Variants in ACACB observed in about 807,000 individuals in gnomAD.
ACACB encodes acetyl-CoA carboxylase 2.
Under a neutral mutation model 278.8 loss-of-function variants are expected in ACACB, and 209 were observed. The ratio of observed to expected loss-of-function variants is 0.75; its 90% CI spans 0.67 to 0.84. The LOEUF (loss-of-function observed/expected upper bound fraction) is 0.84. Among genes scored for constraint, ACACB ranks in the 40% least tolerant of loss-of-function variants. ACACB has a pLI of 0.00. For synonymous variants in ACACB, 1,174 were observed against 1,285.6 expected (o/e 0.91, Z 1.86); for missense variants, 2,850 against 3,269.0 (o/e 0.87, Z 3.13).
intron 2 of ACACB, among the ~76,000 whole-genome samples, chr12:109,161,492 G>A (rs996966286): frequency 2.0e-4 from 31 of 152,110 alleles, no homozygotes; most frequent in African/African-American, 5.1e-4. Context: ...GCAGAGAGCC[G>A]AGATTATGCC....
intron 12 of ACACB, among the ~76,000 whole-genome samples, chr12:109,187,618 C>T (rs1292443976): frequency 6.6e-6 from 1 of 151,808 alleles, no homozygotes; most frequent in African/African-American, 2.4e-5. Context: ...TGCCACCACA[C>T]CTGGCTAATA....
At chr12:109,203,706 T>C (rs1459625494) in intron 19 of ACACB, among the ~76,000 whole-genome samples, 2 of 152,232 alleles carry the variant, frequency 1.3e-5, no homozygotes, top group Non-Finnish European at 2.9e-5. Context: ...AGAGTGTCTG[T>C]CATGTGACCC....
At chr12:109,266,193 A>C (rs1363124272) in intron 52 of ACACB, 43 bp from the exon 53 acceptor site, 12 of 1,591,688 alleles carry the variant, frequency 7.5e-6, no homozygotes, top group Non-Finnish European at 1.0e-5. Context: ...CCACTGAAAA[A>C]GTGGCTGGAG....
In ACACB at chr12:109,240,616, T is replaced by A. The variant is rs552880770; in HGVS notation, c.4819-462T>A. Among the ~76,000 whole-genome samples, 213 of 148,314 alleles carry A rather than the reference T, an allele frequency of 1.4e-3. 1 individual carries two copies. Among genetic ancestry groups the A allele is most frequent in the African/African-American group, 5.0e-3 (205 of 40,924 alleles). On this transcript the variant is annotated intron_variant, in intron 35 of 52. Coordinates refer to ENST00000338432, the MANE Select transcript of ACACB (RefSeq NM_001093.4). The stretch of plus-strand genomic sequence containing the variant: ...TTATTTTATTATTTAATAATATATA[T>A]TATTAAAAATAATTAATACAATAGT...
At chr12:109,215,476 A>T (rs973897927) in intron 22 of ACACB, among the ~76,000 whole-genome samples, 11 of 152,038 alleles carry the variant, frequency 7.2e-5, no homozygotes, top group Admixed American at 1.3e-4. Flanking sequence ...CTTTAAAAAA[A>T]TTTTTGGCTG....
chr12:109,255,534 C>G (rs1477759038), intron 44 of ACACB, among the ~76,000 whole-genome samples: 1 of 152,212 alleles, frequency 6.6e-6, no homozygotes, highest in East Asian at 1.9e-4. Context: ...TGTTGCATGC[C>G]TGGGTGCCGG....
At position 109,265,381 on chromosome 12, in the gene ACACB, C is replaced by G. The variant is rs925498602; in HGVS notation, c.7114-8C>G. The G allele has an allele frequency of 1.2e-6, 2 of 1,613,488 alleles. No homozygotes were observed. Among genetic ancestry groups the G allele is most frequent in the African/African-American group, 1.3e-5 (1 of 74,906 alleles). On this transcript the variant is annotated splice_region_variant and splice_polypyrimidine_tract_variant and intron_variant, in intron 51 of 52. Transcript: ENST00000338432. ...CCCTCTCTGAGGCATCCTCTGCCCC[C>G]TCCCCAGGCCTACTTGTGGGACAAC...
At chr12:109,240,617 T>G (rs1289993943) in intron 35 of ACACB, among the ~76,000 whole-genome samples, 2 of 148,394 alleles carry the variant, frequency 1.3e-5, no homozygotes, top group African/African-American at 2.4e-5. Flanking sequence ...TAATATATAT[T>G]ATTAAAAATA....
intron 2 of ACACB, among the ~76,000 whole-genome samples, chr12:109,161,690 GTA>G (rs201029917): frequency 3.3e-5 from 5 of 150,970 alleles, no homozygotes; most frequent in Admixed American, 6.6e-5. Flanking sequence ...AAAATTTGGT[GTA>G]TATATATATA....
chr12:109,163,010 G>T (rs560853567), intron 2 of ACACB, among the ~76,000 whole-genome samples: 3 of 152,070 alleles, frequency 2.0e-5, no homozygotes, highest in Non-Finnish European at 4.4e-5. Context: ...TGCAACCTCC[G>T]CCTCTCAGGT....
intron 4 of ACACB, among the ~76,000 whole-genome samples, chr12:109,170,891 C>T (rs1281157528): frequency 6.6e-6 from 1 of 151,902 alleles, no homozygotes; most frequent in Non-Finnish European, 1.5e-5. Flanking sequence ...GGCTGGAGCG[C>T]AGTGACATGA....
At chr12:109,242,234 C>T in intron 36 of ACACB, 1 of 551,562 alleles carries the variant, frequency 1.8e-6, no homozygotes, top group Non-Finnish European at 3.2e-6. Context: ...AACTGCATTC[C>T]ACAGCCCCTG....
At chr12:109,259,973 T>A (rs903759936) in intron 47 of ACACB, 2 of 975,928 alleles carry the variant, frequency 2.0e-6, no homozygotes, top group Non-Finnish European at 2.9e-6. Context: ...AGGACCAACC[T>A]CAGAGGGCCG....
Position 109,246,326 on chromosome 12 carries a change from GC to G in ACACB, c.5452del (p.Arg1818GlyfsTer47). 1 of 1,612,932 alleles carries G rather than the reference GC, an allele frequency of 6.2e-7. No individual in the cohort carries two copies. Among genetic ancestry groups the G allele is most frequent in the South Asian group, 1.1e-5 (1 of 90,966 alleles). On this transcript the variant is annotated frameshift_variant, in exon 39 of 53. Coordinates refer to ENST00000338432, the MANE Select transcript of ACACB (RefSeq NM_001093.4). LOFTEE classifies it high-confidence loss of function. Reference protein sequence around the residue: ...DLLYLRASEMARAEGIPKIYV... With the variant: ...DLLYLRASEMXRAEGIPKIYV... Reference sequence around the variant, plus strand: ...TCTGTACCTGCGGGCATCCGAGATGGCCCGGGCAGAGGGCATTCCCAAAATT... The same window carrying G: ...TCTGTACCTGCGGGCATCCGAGATGGCCGGGCAGAGGGCATTCCCAAAATT...
At chr12:109,127,057 C>T (rs1191080464) in intron 1 of ACACB, among the ~76,000 whole-genome samples, 3 of 152,180 alleles carry the variant, frequency 2.0e-5, no homozygotes, top group Non-Finnish European at 4.4e-5. Flanking sequence ...GATGCTCTGA[C>T]ATGTTGTAAG....
chr12:109,156,328 G>A (rs912655784), intron 2 of ACACB, among the ~76,000 whole-genome samples: 11 of 152,002 alleles, frequency 7.2e-5, no homozygotes, highest in Non-Finnish European at 1.3e-4. Context: ...TCGGGAGTTC[G>A]AGACCAGCTT....
intron 16 of ACACB, among the ~76,000 whole-genome samples, chr12:109,196,647 C>T (rs1488118813): frequency 6.6e-6 from 1 of 152,202 alleles, no homozygotes; most frequent in East Asian, 1.9e-4. Flanking sequence ...TAGTCCATTG[C>T]ACCTGGCTGC....
chr12:109,243,279 G>A (rs2046850317), intron 37 of ACACB, among the ~76,000 whole-genome samples: 1 of 152,128 alleles, frequency 6.6e-6, no homozygotes, highest in African/African-American at 2.4e-5. Flanking sequence ...TCACTGCCTT[G>A]AGTAATTTTT....
chr12:109,245,198 G>A (rs944739884), intron 37 of ACACB, among the ~76,000 whole-genome samples: 8 of 152,104 alleles, frequency 5.3e-5, no homozygotes, highest in East Asian at 3.9e-4. Flanking sequence ...AGTAATTTGC[G>A]GAAGGATGTG....
Sources: allele counts gnomAD v4.1 joint callset (sites outside exome capture counted in the v4.1 genomes callset), GRCh38; gene constraint gnomAD v4.1.1; transcripts MANE v1.5; gene names NCBI Gene and HGNC (gene_info 2026-07-23, HGNC 2026-07-21).